The following CRB1 variants were observed in gnomAD, a reference collection of about 807,000 sequenced individuals.
CRB1 encodes protein crumbs homolog 1.
Under a neutral mutation model 120.0 loss-of-function variants are expected in CRB1, and 83 were observed. The observed-to-expected ratio is 0.69, with a 90% CI of 0.58 to 0.83. CRB1 has a LOEUF of 0.83. Ranked by LOEUF, CRB1 falls within the 40% of genes least tolerant of loss-of-function variation. CRB1 has a pLI of 0.00. For synonymous variants in CRB1, 625 were observed against 612.5 expected (o/e 1.02, Z -0.30); for missense variants, 1,699 against 1,687.6 (o/e 1.01, Z -0.12).
chr1:197,427,603 T>C lies in CRB1; in HGVS notation c.2278T>C (p.Tyr760His). 1 of 1,613,954 alleles carries C rather than the reference T, an allele frequency of 6.2e-7. No homozygotes were observed. The highest frequency in any genetic ancestry group is 1.1e-5 in the South Asian group (1 of 91,074). The change falls in exon 7 of 12, where the codon TAT becomes CAT. Residue 760 changes from tyrosine (Y) to histidine (H), a missense_variant. Coordinates refer to ENST00000367400, the MANE Select transcript of CRB1 (RefSeq NM_201253.3). ...GLLLALENST[Y>H]QYIRVWLERG... ...ACTTCTAGCTTTGGAAAACAGCACT[T>C]ATCAATATATCCGTGTCTGGCTAGA...
At chr1:197,350,068 C>A (rs1660007211) in intron 4 of CRB1, among the ~76,000 whole-genome samples, 2 of 150,872 alleles carry the variant, frequency 1.3e-5, no homozygotes, top group South Asian at 4.2e-4. Context: ...CCACTGCAGT[C>A]CGCAGTCCGG....
Position 197,427,449 on chromosome 1 carries a change from T to C in CRB1, c.2129-5T>C. On this transcript the variant is annotated splice_region_variant and splice_polypyrimidine_tract_variant and intron_variant, in intron 6 of 11. Coordinates refer to ENST00000367400, the MANE Select transcript of CRB1 (RefSeq NM_201253.3). The stretch of plus-strand genomic sequence containing the variant: ...TTCTCCTCCTCCTCTATTTTGACAT[T>C]GAAGAGTATGTGGCAGGCAGATTTG... The C allele has an allele frequency of 1.2e-6, 2 of 1,613,530 alleles. No individual in the cohort carries two copies. Among genetic ancestry groups the C allele is most frequent in the Non-Finnish European group, 1.7e-6 (2 of 1,179,592 alleles).
At chr1:197,343,452 A>G (rs1004991013) in intron 2 of CRB1, among the ~76,000 whole-genome samples, 1 of 152,172 alleles carries the variant, frequency 6.6e-6, no homozygotes. Flanking sequence ...AGCAAATAAT[A>G]CCTACTAATT....
intron 11 of CRB1, among the ~76,000 whole-genome samples, chr1:197,466,865 G>A (rs550925131): frequency 1.1e-3 from 169 of 152,346 alleles, no homozygotes; most frequent in African/African-American, 3.7e-3. Context: ...TATAGGTTAA[G>A]AGCAGTGACA....
the CRB1 span, among the ~76,000 whole-genome samples, chr1:197,229,209 T>G: frequency 6.6e-6 from 1 of 152,210 alleles, no homozygotes; most frequent in Non-Finnish European, 1.5e-5. Flanking sequence ...TGATATTCTG[T>G]CGTAGTAGCT....
rs975960789 is a variant in CRB1 at position 197,406,156 on chromosome 1, T to C, written c.1172-14844T>C. On this transcript the variant is annotated intron_variant, in intron 5 of 11. Coordinates refer to ENST00000367400, the MANE Select transcript of CRB1 (RefSeq NM_201253.3). ...AAAGGGGAGAAAGGTGGGGAAAAGA[T>C]TGAGAAATCGGATGGTTGCCTTGTC... 3.9e-4 allele frequency among the ~76,000 whole-genome samples: 60 copies of C among 152,328 alleles called. 1 individual carries two copies. The highest frequency in any genetic ancestry group is 1.3e-3 in the African/African-American group (55 of 41,578).
chr1:197,257,250 C>T, the CRB1 span, among the ~76,000 whole-genome samples: 3 of 152,078 alleles, frequency 2.0e-5, no homozygotes, highest in African/African-American at 7.2e-5. Context: ...CTTCTTCCAC[C>T]TTTTTGTTCT....
rs1184907784 is a variant in CRB1 at position 197,390,183 on chromosome 1, G to C, written c.1172-30817G>C. 3.3e-5 allele frequency among the ~76,000 whole-genome samples: 5 copies of C among 151,436 alleles called. No homozygotes were observed. The East Asian group carries it at 7.8e-4, about 24-fold the overall frequency. On this transcript the variant is annotated intron_variant, in intron 5 of 11. Transcript: ENST00000367400. ...GCCCAGAGAAGGGGTGTTTGTGTGG[G>C]GGGGAGGGGGTGGGGCGGGAAATAT...
chr1:197,468,886 T>G (rs1269120893), intron 11 of CRB1, among the ~76,000 whole-genome samples: 1 of 151,772 alleles, frequency 6.6e-6, no homozygotes, highest in South Asian at 2.1e-4. Flanking sequence ...AGAGGCATGA[T>G]TGAATAAACG....
the CRB1 span, among the ~76,000 whole-genome samples, chr1:197,252,608 GTGTGTGAT>G: frequency 2.7e-5 from 3 of 111,894 alleles, no homozygotes; most frequent in African/African-American, 9.2e-5. Flanking sequence ...GTGTGTGTGT[GTGTGTGAT>G]ATATATATGT....
In CRB1 at chr1:197,359,314, T is replaced by G. The variant is rs191253992; in HGVS notation, c.1171+2301T>G. 5.3e-5 allele frequency among the ~76,000 whole-genome samples: 8 copies of G among 152,262 alleles called. No individual in the cohort carries two copies. The East Asian group carries it at 1.5e-3, about 29-fold the overall frequency. ...TGTCATTCCAAGAATGTTATATAAA[T>G]GGAATCATGCAATATGTAAAGTTTT... On this transcript the variant is annotated intron_variant, in intron 5 of 11. Transcript: ENST00000367400.
At chr1:197,301,940 C>T (rs963979326) in intron 1 of CRB1, among the ~76,000 whole-genome samples, 3 of 151,798 alleles carry the variant, frequency 2.0e-5, no homozygotes, top group Non-Finnish European at 2.9e-5. Flanking sequence ...TGAACACTGT[C>T]GAAATAGCAA....
chr1:197,322,733 C>G (rs116770857), intron 1 of CRB1, among the ~76,000 whole-genome samples: 2 of 151,994 alleles, frequency 1.3e-5, no homozygotes, highest in African/African-American at 4.8e-5. Context: ...AGTCTGAGGC[C>G]CCACTCCTCC....
intron 6 of CRB1, chr1:197,422,901 T>C (rs1050787478): frequency 2.0e-5 from 3 of 152,176 alleles, no homozygotes; most frequent in African/African-American, 7.2e-5. Flanking sequence ...CTATACTCTA[T>C]TCCATGTTCA....
chr1:197,377,261 T>C (rs1285818312), intron 5 of CRB1, among the ~76,000 whole-genome samples: 1 of 152,104 alleles, frequency 6.6e-6, no homozygotes, highest in African/African-American at 2.4e-5. Context: ...CTTACTAGAA[T>C]TGTCCACCAT....
the CRB1 span, among the ~76,000 whole-genome samples, chr1:197,254,694 A>G: frequency 6.6e-6 from 1 of 152,132 alleles, no homozygotes; most frequent in African/African-American, 2.4e-5. Flanking sequence ...TCTTTAAATG[A>G]AATATAATAA....
At position 197,398,406 on chromosome 1, in the gene CRB1, A is replaced by G. The variant is rs568236974; in HGVS notation, c.1172-22594A>G. ...TTTTAGGGTATTTACCTTTGTATCA[A>G]TTGGAAGATAAATTTGAAAAAGGCA... On this transcript the variant is annotated intron_variant, in intron 5 of 11. Transcript: ENST00000367400. Among the ~76,000 whole-genome samples the G allele has an allele frequency of 3.9e-4, 59 of 152,290 alleles. 1 individual carries two copies. The Middle Eastern group carries it at 0.024, about 61-fold the overall frequency.
At chr1:197,380,808 C>G (rs994464081) in intron 5 of CRB1, among the ~76,000 whole-genome samples, 1 of 152,184 alleles carries the variant, frequency 6.6e-6, no homozygotes, top group African/African-American at 2.4e-5. Flanking sequence ...GTGCTTTGAT[C>G]CATCCTGTCT....
chr1:197,364,022 C>A, intron 5 of CRB1: 1 of 1,384,310 alleles, frequency 7.2e-7, no homozygotes, highest in South Asian at 1.2e-5. Flanking sequence ...ATGGAAATGG[C>A]TCACAAGATC....
Sources: gnomAD v4.1 joint callset for allele counts (sites outside exome capture counted in the v4.1 genomes callset) on GRCh38, gnomAD v4.1.1 for gene constraint, MANE v1.5 for transcripts, NCBI Gene and HGNC (gene_info 2026-07-23, HGNC 2026-07-21) for gene names.